The following ELMO1 variants were observed in gnomAD, a reference collection of about 807,000 sequenced individuals.
ELMO1 encodes engulfment and cell motility protein 1.
Under a neutral mutation model 98.9 loss-of-function variants are expected in ELMO1, and 26 were observed. That is an observed-to-expected ratio of 0.26 (90% CI 0.19 to 0.36). The LOEUF (loss-of-function observed/expected upper bound fraction) is 0.36. Among genes scored for constraint, ELMO1 ranks in the 10% least tolerant of loss-of-function variants. The pLI is 1.00. For synonymous variants in ELMO1, 346 were observed against 346.0 expected, an observed-to-expected ratio of 1.00 and a Z score of 0.00; for missense variants, 627 against 935.2, an observed-to-expected ratio of 0.67 and a Z score of 4.30.
intron 15 of ELMO1, among the ~76,000 whole-genome samples, chr7:37,018,960 G>A (rs760284334): frequency 1.1e-4 from 16 of 152,116 alleles, no homozygotes; most frequent in Non-Finnish European, 2.1e-4. Flanking sequence ...AGCGGGGGGC[G>A]GGGGTGCTTA....
At chr7:37,128,465 T>A (rs1375610175) in intron 14 of ELMO1, among the ~76,000 whole-genome samples, 8 of 152,220 alleles carry the variant, frequency 5.3e-5, no homozygotes, top group Non-Finnish European at 8.8e-5. Flanking sequence ...GAAATCATGC[T>A]ATGCCTCCAG....
intron 4 of ELMO1, among the ~76,000 whole-genome samples, chr7:37,288,373 C>T (rs760554767): frequency 6.6e-5 from 10 of 152,126 alleles, no homozygotes; most frequent in African/African-American, 9.7e-5. Flanking sequence ...TACAGGCATG[C>T]GCCACCATGC....
chr7:37,083,492 T>C (rs1783587509), intron 15 of ELMO1, among the ~76,000 whole-genome samples: 1 of 151,770 alleles, frequency 6.6e-6, no homozygotes, highest in Admixed American at 6.6e-5. Context: ...AAAAAAAACA[T>C]GGAAATATGT....
At chr7:37,125,276 A>T (rs962422560) in intron 14 of ELMO1, among the ~76,000 whole-genome samples, 3 of 152,170 alleles carry the variant, frequency 2.0e-5, no homozygotes, top group Non-Finnish European at 2.9e-5. Flanking sequence ...AAAAGCCAAA[A>T]TTGACAAATG....
chr7:37,154,182 T>A (rs1788567868), intron 13 of ELMO1, among the ~76,000 whole-genome samples: 1 of 151,986 alleles, frequency 6.6e-6, no homozygotes, highest in Non-Finnish European at 1.5e-5. Flanking sequence ...AAGACCAAAG[T>A]TAGATAAAAC....
At chr7:37,291,796 T>C (rs921352067) in intron 4 of ELMO1, among the ~76,000 whole-genome samples, 4 of 152,110 alleles carry the variant, frequency 2.6e-5, no homozygotes, top group Non-Finnish European at 5.9e-5. Flanking sequence ...GTGCCTGTAG[T>C]CCCAGCTACT....
At chr7:37,267,027 A>T (rs1437009264) in intron 5 of ELMO1, among the ~76,000 whole-genome samples, 3 of 92,754 alleles carry the variant, frequency 3.2e-5, no homozygotes, top group South Asian at 3.8e-4. Flanking sequence ...AAAAAAAAAA[A>T]TATGTATATA....
At chr7:36,979,558 C>G (rs930607144) in intron 16 of ELMO1, among the ~76,000 whole-genome samples, 1 of 152,160 alleles carries the variant, frequency 6.6e-6, no homozygotes, top group Non-Finnish European at 1.5e-5. Context: ...CCCCATCAAT[C>G]TCTAAAGCTA....
At position 37,019,534 on chromosome 7, in the gene ELMO1, G is replaced by A. The variant is rs193295258; in HGVS notation, c.1301-6099C>T. On this transcript the variant is annotated intron_variant, in intron 15 of 21. Coordinates refer to ENST00000310758, the MANE Select transcript of ELMO1 (RefSeq NM_014800.11). ...TCTCCCAGGCTACACGTTTATACAC[G>A]AGAGCTTGTCACCTTGCAGAGATAG... Among the ~76,000 whole-genome samples, 306 of 152,292 alleles carry A rather than the reference G, an allele frequency of 2.0e-3. 2 individuals are homozygous for A. The highest frequency in any genetic ancestry group is 5.7e-3 in the African/African-American group (235 of 41,556).
chr7:37,168,149 C>T (rs1448472843), intron 13 of ELMO1, among the ~76,000 whole-genome samples: 1 of 152,166 alleles, frequency 6.6e-6, no homozygotes, highest in East Asian at 1.9e-4. Context: ...GAGGCTTCTG[C>T]ATTCTTCACG....
intron 4 of ELMO1, among the ~76,000 whole-genome samples, chr7:37,313,134 G>T (rs534579911): frequency 6.6e-6 from 1 of 152,318 alleles, no homozygotes; most frequent in South Asian, 2.1e-4. Flanking sequence ...ATAGAGACAG[G>T]AAACTAAACG....
intron 13 of ELMO1, among the ~76,000 whole-genome samples, chr7:37,137,471 A>G (rs1787344800): frequency 6.6e-6 from 1 of 152,180 alleles, no homozygotes; most frequent in South Asian, 2.1e-4. Context: ...CAGAATACAC[A>G]TTCTATTCAT....
intron 15 of ELMO1, among the ~76,000 whole-genome samples, chr7:37,092,919 T>TC (rs1784195667): frequency 6.6e-6 from 1 of 151,220 alleles, no homozygotes. Context: ...CTTTTTCTTT[T>TC]TTTTTTTTTT....
chr7:37,150,277 CTT>C (rs10714242), intron 13 of ELMO1, among the ~76,000 whole-genome samples: 172 of 143,794 alleles, frequency 1.2e-3, no homozygotes, highest in African/African-American at 2.3e-3. Flanking sequence ...ATGCGGAATT[CTT>C]TTTTTTTTTT....
intron 1 of ELMO1, among the ~76,000 whole-genome samples, chr7:37,398,495 T>G (rs1469364184): frequency 6.6e-6 from 1 of 152,238 alleles, no homozygotes; most frequent in Non-Finnish European, 1.5e-5. Context: ...TAACCTTGTT[T>G]ATCTTTCTGC....
rs2717975 is a variant in ELMO1, at chr7:37,275,587, G to A, written c.193-3705C>T. Among the ~76,000 whole-genome samples, 851 of 152,090 alleles carry A rather than the reference G, an allele frequency of 5.6e-3. 5 individuals carry two copies. Among genetic ancestry groups the A allele is most frequent in the Middle Eastern group, 0.027 (8 of 294 alleles). On this transcript the variant is annotated intron_variant, in intron 4 of 21. Coordinates refer to ENST00000310758, the MANE Select transcript of ELMO1 (RefSeq NM_014800.11). ...GAGGTGAATAAGAACAAGAGGAAAC[G>A]GACGCAGGCACTGCATCTAGACTCC...
At chr7:37,243,035 T>C (rs1263783992) in intron 7 of ELMO1, among the ~76,000 whole-genome samples, 2 of 152,186 alleles carry the variant, frequency 1.3e-5, no homozygotes, top group African/African-American at 4.8e-5. Flanking sequence ...TTATAATATT[T>C]TGTCCGGATT....
At chr7:37,314,821 T>G in intron 4 of ELMO1, 29 bp downstream of exon 4, 2 of 1,575,176 alleles carry the variant, frequency 1.3e-6, no homozygotes, top group Non-Finnish European at 1.7e-6. Flanking sequence ...TCAATATGTA[T>G]CCCATATTAA....
intron 13 of ELMO1, among the ~76,000 whole-genome samples, chr7:37,150,973 T>C (rs1265433041): frequency 6.6e-6 from 1 of 152,234 alleles, no homozygotes; most frequent in Non-Finnish European, 1.5e-5. Context: ...AGCGCCTCCC[T>C]GCAGGTCAGC....
Sources: allele counts gnomAD v4.1 joint callset (sites outside exome capture counted in the v4.1 genomes callset), GRCh38; gene constraint gnomAD v4.1.1; transcripts MANE v1.5; gene names NCBI Gene and HGNC (gene_info 2026-07-23, HGNC 2026-07-21).